The following RFX7 variants were observed in gnomAD, a reference collection of about 807,000 sequenced individuals.
RFX7 encodes the protein regulatory factor X7, also known as DNA-binding protein RFX7.
In RFX7, 26 loss-of-function variants were observed where a neutral mutation model predicts 111.8. The ratio of observed to expected loss-of-function variants is 0.23; its 90% CI spans 0.17 to 0.32. The LOEUF (loss-of-function observed/expected upper bound fraction) is 0.32, where lower values mean the gene tolerates loss of function less well. RFX7 is among the 10% of genes least tolerant of loss of function. The probability of loss-of-function intolerance (pLI) is 1.00; values close to 1 mark genes in which losing one functional copy is unlikely to be tolerated. For synonymous variants in RFX7, 624 were observed against 624.4 expected, an observed-to-expected ratio of 1.00 and a Z score of 0.01; for missense variants, 1,573 against 1,772.9, an observed-to-expected ratio of 0.89 and a Z score of 2.02.
At chr15:56,104,327 G>C (rs543072986) in intron 5 of RFX7, among the ~76,000 whole-genome samples, 1 of 152,286 alleles carries the variant, frequency 6.6e-6, no homozygotes, top group South Asian at 2.1e-4. Context: ...CAGGTGTTCT[G>C]TTTTTCTCTA....
chr15:56,152,296 A>G (rs145816051), intron 3 of RFX7, among the ~76,000 whole-genome samples: 29 of 152,282 alleles, frequency 1.9e-4, no homozygotes, highest in Non-Finnish European at 3.7e-4. Context: ...TGACCACATA[A>G]TTGGAAGTAA....
intron 5 of RFX7, among the ~76,000 whole-genome samples, chr15:56,110,317 T>G (rs1220868589): frequency 6.9e-3 from 62 of 9,050 alleles, no homozygotes; most frequent in Non-Finnish European, 7.5e-3. Context: ...GGGAGGGAGG[T>G]GGGGGGGGGG....
intron 2 of RFX7, among the ~76,000 whole-genome samples, chr15:56,222,578 G>C (rs182225034): frequency 1.2e-3 from 187 of 151,878 alleles, no homozygotes; most frequent in African/African-American, 4.3e-3. Context: ...AGTTTTCTTC[G>C]TAGTTTCCAA....
chr15:56,140,011 C>G (rs2042365737), intron 5 of RFX7, among the ~76,000 whole-genome samples: 1 of 152,138 alleles, frequency 6.6e-6, no homozygotes, highest in East Asian at 1.9e-4. Context: ...AACCACTGCT[C>G]TCTTCAAAGC....
chr15:56,225,566 T>A (rs1293201781), intron 2 of RFX7, among the ~76,000 whole-genome samples: 1 of 152,178 alleles, frequency 6.6e-6, no homozygotes, highest in Non-Finnish European at 1.5e-5. Flanking sequence ...TCACAACATT[T>A]CACATCTCAC....
chr15:56,131,705 T>C (rs2042220171), intron 5 of RFX7, among the ~76,000 whole-genome samples: 1 of 152,224 alleles, frequency 6.6e-6, no homozygotes, highest in Non-Finnish European at 1.5e-5. Context: ...TGTTCAACTA[T>C]AAGTGATACA....
chr15:56,244,407 G>C (rs2043787835), upstream of RFX7: 1 of 152,086 alleles, frequency 6.6e-6, no homozygotes, highest in African/African-American at 2.4e-5. Context: ...TCCTCGGTCG[G>C]GCATTCAAAG....
chr15:56,150,167 C>A (rs534564686), intron 3 of RFX7, among the ~76,000 whole-genome samples: 2 of 152,198 alleles, frequency 1.3e-5, no homozygotes, highest in African/African-American at 4.8e-5. Context: ...GGTGGCCAGA[C>A]TGCCTGATTG....
In RFX7 at chr15:56,095,339, C is replaced by G. The variant is rs776252832; in HGVS notation, c.2389G>C (p.Glu797Gln). 6.2e-7 allele frequency: 1 copy of G among 1,613,832 alleles called. No homozygotes were observed. Among genetic ancestry groups the G allele is most frequent in the Non-Finnish European group, 8.5e-7 (1 of 1,179,804 alleles). Residue 797 changes from glutamate to glutamine, a missense_variant, in exon 10 of 10, where the codon GAA becomes CAA. Physicochemically the swap from Glu to Gln is conservative, Grantham distance 29 (BLOSUM62 2). Coordinates refer to ENST00000559447, the MANE Select transcript of RFX7 (RefSeq NM_022841.7). ...ATAACACTGATATCTTGCTGTTGTT[C>G]ACAACTGGCAGATATAAACTCAGAA... ...KDSEFISASC[E>Q]QQQDISVMTI...
chr15:56,235,411 T>C (rs553061072), intron 2 of RFX7, among the ~76,000 whole-genome samples: 1 of 152,228 alleles, frequency 6.6e-6, no homozygotes, highest in South Asian at 2.1e-4. Context: ...CCTGACCTCA[T>C]GATCCGCCCA....
intron 3 of RFX7, among the ~76,000 whole-genome samples, chr15:56,163,586 A>G (rs2042749832): frequency 6.6e-6 from 1 of 152,224 alleles, no homozygotes; most frequent in Admixed American, 6.5e-5. Flanking sequence ...CATGATGATG[A>G]TAAACGCTAT....
intron 3 of RFX7, among the ~76,000 whole-genome samples, chr15:56,177,455 T>C (rs114395974): frequency 0.028 from 4,276 of 152,254 alleles, 200 homozygotes; most frequent in African/African-American, 0.097. Flanking sequence ...GATCTTAGTA[T>C]CTTGTTCATC....
chr15:56,230,946 A>T (rs1309433580), intron 2 of RFX7, among the ~76,000 whole-genome samples: 1 of 152,176 alleles, frequency 6.6e-6, no homozygotes, highest in African/African-American at 2.4e-5. Flanking sequence ...TACAAAAACA[A>T]AATTAGCTGG....
chr15:56,217,564 A>G (rs1362804888), intron 2 of RFX7, among the ~76,000 whole-genome samples: 1 of 152,136 alleles, frequency 6.6e-6, no homozygotes, highest in Non-Finnish European at 1.5e-5. Context: ...CACACTTTAT[A>G]GACTTTATAT....
intron 6 of RFX7, among the ~76,000 whole-genome samples, chr15:56,102,978 T>G (rs2041777673): frequency 6.6e-6 from 1 of 152,190 alleles, no homozygotes; most frequent in East Asian, 1.9e-4. Context: ...TTCTTAATTT[T>G]AATTTCCTTA....
Position 56,179,761 on chromosome 15 carries a change from A to AACACACAC in RFX7, c.162-466_162-459dup, listed in dbSNP as rs58597217. On this transcript the variant is annotated intron_variant, in intron 2 of 9. Coordinates refer to ENST00000559447, the MANE Select transcript of RFX7 (RefSeq NM_022841.7). ...TTCTGTTCCCTCCTCTCTCTGTCTC[A>AACACACAC]ACACACACACACACACACACACACA... Among the ~76,000 whole-genome samples the AACACACAC allele has an allele frequency of 6.9e-3, 951 of 137,366 alleles. 6 individuals carry two copies. Among genetic ancestry groups the AACACACAC allele is most frequent in the African/African-American group, 9.8e-3 (356 of 36,170 alleles). 90.1% of individuals were successfully genotyped at this position (137,366 alleles called of 152,430 possible). A position where few individuals can be genotyped will look rare whatever the true frequency, so the allele number is the denominator to read the frequency against.
chr15:56,135,347 G>A (rs1465308172), intron 5 of RFX7, among the ~76,000 whole-genome samples: 1 of 152,152 alleles, frequency 6.6e-6, no homozygotes, highest in African/African-American at 2.4e-5. Context: ...GTTTTGATTT[G>A]CATTTCTCTG....
chr15:56,140,796 T>C (rs1299007826), intron 5 of RFX7, among the ~76,000 whole-genome samples: 1 of 152,220 alleles, frequency 6.6e-6, no homozygotes, highest in Non-Finnish European at 1.5e-5. Context: ...TTTATGGGAA[T>C]CTTTGAAAAA....
chr15:56,101,557 C>A lies in RFX7; in HGVS notation c.613G>T (p.Ala205Ser), dbSNP rs2041753559. The stretch of plus-strand genomic sequence containing the variant: ...TTTTGAAGCTGCCCAGAAGGTTCAG[C>A]TCCTTCCAACTAGGCAAAGAAAAAA... ...FHKTGDGLEG[A>S]EPSGQLQNID... The change falls in exon 8 of 10, where the codon GCT becomes TCT. Residue 205 changes from alanine (A) to serine (S), a missense_variant. Physicochemically the swap from Ala to Ser is moderately conservative, Grantham distance 99. Transcript: ENST00000559447. 3 of 1,613,130 alleles carry A rather than the reference C, an allele frequency of 1.9e-6. No individual in the cohort carries two copies. The highest frequency in any genetic ancestry group is 3.3e-4 in the Middle Eastern group (2 of 6,058).
Sources: gnomAD v4.1 joint callset for allele counts (sites outside exome capture counted in the v4.1 genomes callset) on GRCh38, gnomAD v4.1.1 for gene constraint, MANE v1.5 for transcripts, NCBI Gene and HGNC (gene_info 2026-07-23, HGNC 2026-07-21) for gene names.